The following TOM1 variants were observed in gnomAD, a reference collection of about 807,000 sequenced individuals.
The protein encoded by TOM1 is target of myb1 membrane trafficking protein, also known as target of Myb protein 1.
In TOM1, 38 loss-of-function variants were observed where a neutral mutation model predicts 61.3. That is an observed-to-expected ratio of 0.62 (90% CI 0.48 to 0.81). The LOEUF (loss-of-function observed/expected upper bound fraction) is 0.81, where lower values mean the gene tolerates loss of function less well. Ranked by LOEUF, TOM1 falls within the 40% of genes least tolerant of loss-of-function variation. The pLI is 0.00. For missense variants in TOM1, 591 were observed against 659.6 expected (o/e 0.90, Z 1.14); for synonymous variants, 270 against 268.8 (o/e 1.00, Z -0.04).
At chr22:35,337,099 G>C (rs1339830790) in intron 11 of TOM1, among the ~76,000 whole-genome samples, 1 of 152,068 alleles carries the variant, frequency 6.6e-6, no homozygotes, top group Non-Finnish European at 1.5e-5. Flanking sequence ...ACCACACCTG[G>C]CTAATTTTTT....
chr22:35,305,135 G>A (rs1469285847), intron 1 of TOM1, among the ~76,000 whole-genome samples: 2 of 152,244 alleles, frequency 1.3e-5, no homozygotes, highest in African/African-American at 4.8e-5. Flanking sequence ...GGAATGATGG[G>A]CTGGAAAGTG....
intron 9 of TOM1, 189 bp downstream of exon 9, chr22:35,333,203 C>A: frequency 1.3e-6 from 1 of 791,152 alleles, no homozygotes; most frequent in Non-Finnish European, 2.1e-6. Flanking sequence ...CCACCTGATG[C>A]CCCAGGGTCT....
chr22:35,330,574 T>G, intron 8 of TOM1, 94 bp downstream of exon 8: 3 of 1,273,312 alleles, frequency 2.4e-6, no homozygotes, highest in Non-Finnish European at 3.2e-6. Context: ...CATCTGAGCC[T>G]TCTCTCGTCC....
chr22:35,299,997 C>T lies in TOM1; in HGVS notation c.52+17C>T. On this transcript the variant is annotated intron_variant, in intron 1 of 14. Coordinates refer to ENST00000449058, the MANE Select transcript of TOM1 (RefSeq NM_005488.3). ...AGCGCATCGGTGAGTCCCTGGAGCC[C>T]CCCACAGCTCCGCCCCGGTGCTCCG... 6.4e-7 allele frequency: 1 copy of T among 1,560,818 alleles called. No individual in the cohort carries two copies. The highest frequency in any genetic ancestry group is 8.7e-7 in the Non-Finnish European group (1 of 1,151,944).
chr22:35,326,562 C>G (rs1928324406), intron 6 of TOM1, among the ~76,000 whole-genome samples: 1 of 152,220 alleles, frequency 6.6e-6, no homozygotes, highest in South Asian at 2.1e-4. Flanking sequence ...TTAGATGAGC[C>G]TGGGACACCA....
At chr22:35,321,536 T>A (rs1432989638) in intron 2 of TOM1, among the ~76,000 whole-genome samples, 1 of 151,932 alleles carries the variant, frequency 6.6e-6, no homozygotes, top group African/African-American at 2.4e-5. Flanking sequence ...GTAGCTGGGA[T>A]TACAGGGTCA....
Position 35,299,901 on chromosome 22 carries a change from G to C in TOM1, c.-28G>C. ...TGGCGGTTGCTGTCAGCTGATTCCC[G>C]GGGTTGGTGGCAGCGGCGGTAGCAG... On this transcript the variant is annotated 5_prime_UTR_variant, in exon 1 of 15. Transcript: ENST00000449058. The C allele has an allele frequency of 6.4e-7, 1 of 1,574,048 alleles. No individual in the cohort carries two copies. The highest frequency in any genetic ancestry group is 8.6e-7 in the Non-Finnish European group (1 of 1,158,342).
intron 2 of TOM1, among the ~76,000 whole-genome samples, chr22:35,318,709 T>C (rs1333343616): frequency 6.6e-6 from 1 of 152,218 alleles, no homozygotes; most frequent in African/African-American, 2.4e-5. Flanking sequence ...AGAAAGGGGA[T>C]GCGAGGGTCC....
In TOM1 at chr22:35,316,585, G is replaced by A. The variant is rs568926773; in HGVS notation, c.53-1292G>A. Among the ~76,000 whole-genome samples, 10 of 152,284 alleles carry A rather than the reference G, an allele frequency of 6.6e-5. No homozygotes were observed. In the South Asian group the frequency reaches 1.9e-3, roughly 28 times the overall value. ...ATGCAGACCTGCAGCCAGTGGTCCC[G>A]GCCATGGCCCTGACAGGCTTCCAGA... is the stretch of plus-strand genomic sequence containing the variant. On this transcript the variant is annotated intron_variant, in intron 1 of 14. Transcript: ENST00000449058.
chr22:35,301,184 G>A (rs1030045501), intron 1 of TOM1, among the ~76,000 whole-genome samples: 5 of 152,112 alleles, frequency 3.3e-5, no homozygotes, highest in African/African-American at 9.7e-5. Context: ...CCCTGATGGC[G>A]CCACTGTACT....
chr22:35,323,997 A>G lies in TOM1; in HGVS notation c.648+83A>G, dbSNP rs976953304. On this transcript the variant is annotated intron_variant, in intron 6 of 14. Coordinates refer to ENST00000449058, the MANE Select transcript of TOM1 (RefSeq NM_005488.3). The surrounding 1 kb of genome is among the most constrained non-coding windows in gnomAD (Gnocchi z 4.2). Reference sequence around the variant, plus strand: ...GGAGGGCCCCCTGTCAGAATTTACCATCCACGGAGCCTCCACTTCTTCCTC... The same window carrying G: ...GGAGGGCCCCCTGTCAGAATTTACCGTCCACGGAGCCTCCACTTCTTCCTC... The G allele has an allele frequency of 2.7e-6, 4 of 1,470,596 alleles. No homozygotes were observed. In the African/African-American group the frequency reaches 4.3e-5, roughly 16 times the overall value. The allele number at this position is 1,470,596 out of a possible 1,614,324, so 91.1% of individuals were successfully genotyped here. A position where few individuals can be genotyped will look rare whatever the true frequency, so the allele number is the denominator to read the frequency against.
intron 1 of TOM1, among the ~76,000 whole-genome samples, chr22:35,317,293 G>A (rs1393672559): frequency 2.0e-5 from 3 of 152,212 alleles, no homozygotes; most frequent in Middle Eastern, 3.4e-3. Context: ...GGGATCAAAC[G>A]ATTCTCCTGC....
chr22:35,299,709 G>A, upstream of TOM1: 1 of 585,704 alleles, frequency 1.7e-6, no homozygotes, highest in Non-Finnish European at 3.0e-6. Context: ...CATCGTGTGT[G>A]ACGCCCGCCG....
intron 2 of TOM1, among the ~76,000 whole-genome samples, chr22:35,318,584 G>A (rs983174225): frequency 2.6e-5 from 4 of 152,218 alleles, no homozygotes; most frequent in African/African-American, 4.8e-5. Flanking sequence ...TGTCTGACTC[G>A]TTGTCACTGA....
intron 1 of TOM1, among the ~76,000 whole-genome samples, chr22:35,303,301 C>G (rs529224497): frequency 1.8e-4 from 28 of 152,128 alleles, no homozygotes; most frequent in South Asian, 1.2e-3. Flanking sequence ...TCCCTTTATC[C>G]TAGATCCTCA....
chr22:35,347,159 C>G lies in TOM1; in HGVS notation c.1429C>G (p.Pro477Ala). ...CCCGGGTCCCCCATCTGGCCCAGCG[C>G]CCCGGAAGAAGACCCAGGAGAAAGA... ...GPPGPPSGPAPRKKTQEKDDD... is the reference protein window; with the variant it reads ...GPPGPPSGPAARKKTQEKDDD... The change falls in exon 15 of 15, where the codon CCC becomes GCC. Residue 477 changes from proline to alanine, a missense_variant. Physicochemically the swap from Pro to Ala is conservative, Grantham distance 27 (BLOSUM62 -1). Transcript: ENST00000449058. 6.2e-7 allele frequency: 1 copy of G among 1,613,256 alleles called. No homozygotes were observed.
chr22:35,308,381 T>G (rs1275854062), intron 1 of TOM1, among the ~76,000 whole-genome samples: 1 of 151,840 alleles, frequency 6.6e-6, no homozygotes, highest in Non-Finnish European at 1.5e-5. Context: ...CCTCCCAGGT[T>G]TAAGCAATTC....
chr22:35,336,003 G>A (rs1186530122), intron 11 of TOM1, among the ~76,000 whole-genome samples: 1 of 152,176 alleles, frequency 6.6e-6, no homozygotes, highest in Non-Finnish European at 1.5e-5. Context: ...GCAGGATGCT[G>A]AGAGGGTGGT....
At chr22:35,313,534 C>T (rs969715466) in intron 1 of TOM1, among the ~76,000 whole-genome samples, 4 of 152,210 alleles carry the variant, frequency 2.6e-5, no homozygotes, top group South Asian at 2.1e-4. Flanking sequence ...AAGGTCACAA[C>T]ATCCTGTGAG....
Sources: allele counts gnomAD v4.1 joint callset (sites outside exome capture counted in the v4.1 genomes callset), GRCh38; gene constraint gnomAD v4.1.1; non-coding constraint Gnocchi (gnomAD v3.1); transcripts MANE v1.5; gene names NCBI Gene and HGNC (gene_info 2026-07-23, HGNC 2026-07-21).